The following EPRS1 variants were observed in gnomAD, a reference collection of about 807,000 sequenced individuals.
EPRS1 encodes bifunctional glutamate/proline--tRNA ligase.
In EPRS1, 107 loss-of-function variants were observed where a neutral mutation model predicts 188.3. The observed-to-expected ratio is 0.57, with a 90% CI of 0.49 to 0.67. The LOEUF is 0.67. EPRS1 is among the 30% of genes least tolerant of loss of function. The pLI is 0.00. For missense variants in EPRS1, 1,577 were observed against 1,802.2 expected, an observed-to-expected ratio of 0.88 and a Z score of 2.26; for synonymous variants, 596 against 593.1, an observed-to-expected ratio of 1.00 and a Z score of -0.07.
At chr1:219,993,459 C>A (rs970767761) in intron 18 of EPRS1, among the ~76,000 whole-genome samples, 11 of 152,110 alleles carry the variant, frequency 7.2e-5, no homozygotes, top group Admixed American at 1.3e-4. Context: ...TTATACTTTG[C>A]CTTTACACTT....
intron 5 of EPRS1, among the ~76,000 whole-genome samples, chr1:220,031,592 T>C (rs955512204): frequency 1.3e-5 from 2 of 152,238 alleles, no homozygotes; most frequent in Non-Finnish European, 2.9e-5. Context: ...AAGTAGACAG[T>C]AGTTTTCAAA....
In EPRS1 at chr1:219,978,683, A is replaced by C; in HGVS notation, c.3946T>G (p.Ser1316Ala). The change falls in exon 28 of 32, where the codon TCT becomes GCT. Residue 1316 changes from serine (S) to alanine (A), a missense_variant. Coordinates refer to ENST00000366923, the MANE Select transcript of EPRS1 (RefSeq NM_004446.3). ...ATCAGCGCTTCTTTGTCTTCTTCAG[A>C]AAGTGCATTGGTAATGCCACAAGGA... is the stretch of plus-strand genomic sequence containing the variant. The part of the protein sequence containing the change: ...IIPCGITNAL[S>A]EEDKEALIAK... The C allele has an allele frequency of 6.2e-7, 1 of 1,612,724 alleles. No homozygotes were observed. The highest frequency in any genetic ancestry group is 1.3e-5 in the African/African-American group (1 of 74,986).
At position 219,978,528 on chromosome 1, in the gene EPRS1, TA is replaced by T. The variant is rs1660822179; in HGVS notation, c.4083+17del. 3.3e-6 allele frequency: 5 copies of T among 1,534,020 alleles called. No individual in the cohort carries two copies. On this transcript the variant is annotated intron_variant, in intron 28 of 31. Coordinates refer to ENST00000366923, the MANE Select transcript of EPRS1 (RefSeq NM_004446.3). ...AATTGCAGATGTTGGGGGTAAAAGA[TA>T]AAGCTTAGGAATTTACCTTGAGCTC...
chr1:219,994,195 G>A (rs1186889867), intron 18 of EPRS1, among the ~76,000 whole-genome samples: 1 of 152,112 alleles, frequency 6.6e-6, no homozygotes, highest in Non-Finnish European at 1.5e-5. Context: ...GTTTTCTCTG[G>A]GAACTCCAGT....
chr1:219,980,250 T>G lies in EPRS1; in HGVS notation c.3556-10A>C. On this transcript the variant is annotated splice_polypyrimidine_tract_variant and intron_variant, in intron 25 of 31. Transcript: ENST00000366923. ...CAAGTATCTGCAAGACCTGTAACAT[T>G]TTAAATGTAAATGTGTTCAAATTTA... The G allele has an allele frequency of 6.2e-7, 1 of 1,604,042 alleles. No homozygotes were observed. The highest frequency in any genetic ancestry group is 8.5e-7 in the Non-Finnish European group (1 of 1,173,058).
At chr1:220,013,878 AGAC>A (rs1661651872) in intron 12 of EPRS1, among the ~76,000 whole-genome samples, 1 of 152,248 alleles carries the variant, frequency 6.6e-6, no homozygotes, top group South Asian at 2.1e-4. Flanking sequence ...TATGTTTTAA[AGAC>A]GGTGTTTAAT....
In EPRS1 at chr1:220,019,900, A is replaced by G; in HGVS notation, c.1349+88T>C. On this transcript the variant is annotated intron_variant, in intron 10 of 31. Coordinates refer to ENST00000366923, the MANE Select transcript of EPRS1 (RefSeq NM_004446.3). Reference sequence around the variant, plus strand: ...GGCCTACCCATTCCCCCTCCTCCCAATCACCTTCCCTATCTCTCAAGCAGT... The same window carrying G: ...GGCCTACCCATTCCCCCTCCTCCCAGTCACCTTCCCTATCTCTCAAGCAGT... 5.7e-6 allele frequency: 5 copies of G among 882,674 alleles called. No individual in the cohort carries two copies. The South Asian group carries it at 6.3e-5, about 11-fold the overall frequency. 54.7% of individuals were successfully genotyped at this position (882,674 alleles called of 1,614,324 possible). A position where few individuals can be genotyped will look rare whatever the true frequency, so the allele number is the denominator to read the frequency against.
rs1192779618 is a variant in EPRS1, at chr1:219,972,163, A to G, written c.4245-16T>C. ...TTCAGAAGCCCTACCAAACAAAATT[A>G]GAAAACAATACATAATTGTTCTCAC... On this transcript the variant is annotated splice_polypyrimidine_tract_variant and intron_variant, in intron 29 of 31. Coordinates refer to ENST00000366923, the MANE Select transcript of EPRS1 (RefSeq NM_004446.3). 5 of 1,470,188 alleles carry G rather than the reference A, an allele frequency of 3.4e-6. No individual in the cohort carries two copies. Among genetic ancestry groups the G allele is most frequent in the African/African-American group, 1.4e-5 (1 of 70,418 alleles). 91.1% of individuals were successfully genotyped at this position (1,470,188 alleles called of 1,614,324 possible).
chr1:220,033,452 A>T (rs754556705), intron 4 of EPRS1, 50 bp downstream of exon 4: 2 of 1,365,200 alleles, frequency 1.5e-6, no homozygotes, highest in African/African-American at 2.9e-5. Context: ...ATTTTTATCC[A>T]GCAAAATATT....
Position 220,006,861 on chromosome 1 carries a change from T to G in EPRS1, c.1742+341A>C, listed in dbSNP as rs549289828. Among the ~76,000 whole-genome samples the G allele has an allele frequency of 2.6e-5, 4 of 152,336 alleles. No individual in the cohort carries two copies. The East Asian group carries it at 7.7e-4, about 29-fold the overall frequency. ...AAAGTAAATTTTAGTAAAAAGATTA[T>G]GTTATACATATAAATTCTGTCTAAA... On this transcript the variant is annotated intron_variant, in intron 14 of 31. Transcript: ENST00000366923.
chr1:219,981,260 T>C (rs1694599), intron 24 of EPRS1, 118 bp downstream of exon 24: 492,135 of 591,164 alleles, frequency 0.83, 205,428 homozygotes, highest in East Asian at 0.9. Flanking sequence ...TTATCTTAAA[T>C]ACTTCAAAAA....
chr1:219,971,464 C>T (rs1480265872), intron 30 of EPRS1, among the ~76,000 whole-genome samples: 1 of 152,052 alleles, frequency 6.6e-6, no homozygotes, highest in Non-Finnish European at 1.5e-5. Flanking sequence ...CACTTTTCTT[C>T]TCATTATTCA....
At chr1:220,022,637 T>C in intron 8 of EPRS1, 119 bp from the exon 9 acceptor site, 1 of 793,168 alleles carries the variant, frequency 1.3e-6, no homozygotes, top group Non-Finnish European at 2.0e-6. Flanking sequence ...TGTGTTAGTT[T>C]AAAAACACTG....
At chr1:220,032,177 C>G (rs1255745006) in intron 5 of EPRS1, among the ~76,000 whole-genome samples, 2 of 151,724 alleles carry the variant, frequency 1.3e-5, no homozygotes, top group Non-Finnish European at 2.9e-5. Flanking sequence ...CAGGTTCACA[C>G]CATTCTCCTG....
At chr1:220,041,821 CAA>C (rs1662300438) in intron 1 of EPRS1, among the ~76,000 whole-genome samples, 2 of 151,644 alleles carry the variant, frequency 1.3e-5, no homozygotes, top group African/African-American at 4.9e-5. Flanking sequence ...GCCTGGGCAA[CAA>C]GAGTGAAATT....
At chr1:219,994,640 C>CTTT (rs71169424) in intron 18 of EPRS1, among the ~76,000 whole-genome samples, 405 of 109,416 alleles carry the variant, frequency 3.7e-3, no homozygotes, top group Non-Finnish European at 6.2e-3. Flanking sequence ...GTAACTTCTT[C>CTTT]TTTTTTTTTT....
chr1:219,996,300 A>G (rs1387217658), intron 18 of EPRS1, among the ~76,000 whole-genome samples: 4 of 152,218 alleles, frequency 2.6e-5, no homozygotes, highest in Non-Finnish European at 5.9e-5. Flanking sequence ...AGCTGGAGAT[A>G]ATCACAGGTC....
intron 6 of EPRS1, among the ~76,000 whole-genome samples, chr1:220,026,379 T>C (rs1234922756): frequency 6.6e-6 from 1 of 152,162 alleles, no homozygotes; most frequent in Non-Finnish European, 1.5e-5. Context: ...AGTACATGAG[T>C]AAAAGAAAAT....
chr1:219,987,454 C>A, intron 19 of EPRS1, 50 bp from the exon 20 acceptor site: 2 of 1,458,060 alleles, frequency 1.4e-6, no homozygotes, highest in South Asian at 2.6e-5. Flanking sequence ...TAACTCAAGT[C>A]ATTGTCTAAG....
Sources: allele counts gnomAD v4.1 joint callset (sites outside exome capture counted in the v4.1 genomes callset), GRCh38; gene constraint gnomAD v4.1.1; transcripts MANE v1.5; gene names NCBI Gene and HGNC (gene_info 2026-07-23, HGNC 2026-07-21).